Variants in CYFIP2 observed in about 807,000 individuals in gnomAD.
CYFIP2 encodes the protein cytoplasmic FMR1-interacting protein 2.
In CYFIP2, 29 loss-of-function variants were observed where a neutral mutation model predicts 158.7. The observed-to-expected ratio is 0.18, with a 90% CI of 0.14 to 0.25. The LOEUF is 0.25. Ranked by LOEUF, CYFIP2 falls within the 10% of genes least tolerant of loss-of-function variation. CYFIP2 has a pLI of 1.00. For missense variants in CYFIP2, 852 were observed against 1,639.5 expected (o/e 0.52, Z 8.29); for synonymous variants, 585 against 617.6 (o/e 0.95, Z 0.78).
rs1270546456 is a variant in CYFIP2 at position 157,394,696 on chromosome 5, CTTGAGCT to C, written c.*1704_*1710del. 6.6e-6 allele frequency: 1 copy of C among 152,190 alleles called. No homozygotes were observed. The highest frequency in any genetic ancestry group is 1.5e-5 in the Non-Finnish European group (1 of 68,042). The allele number at this position is 152,190 out of a possible 1,614,324, so 9.4% of individuals were successfully genotyped here. On this transcript the variant is annotated 3_prime_UTR_variant, in exon 31 of 31. Transcript: ENST00000620254. ...GCTGTAAGGGAATCATTCTGGTCAC[CTTGAGCT>C]TTGAGCTACCACTAAGCCATGAAAG...
rs760704939 is a variant in CYFIP2 at position 157,343,003 on chromosome 5, G to T, written c.2673+1846G>T. On this transcript the variant is annotated intron_variant, in intron 23 of 30. Coordinates refer to ENST00000620254, the MANE Select transcript of CYFIP2 (RefSeq NM_001037333.3). ...TCTTGCGTGGCATTTCCACCAGGGGGAGCCCCTGCAGGTCTTCCTCCCTCT... is the reference window on the plus strand; with the variant it reads ...TCTTGCGTGGCATTTCCACCAGGGGTAGCCCCTGCAGGTCTTCCTCCCTCT... 11 of 1,614,078 alleles carry T rather than the reference G, an allele frequency of 6.8e-6. No individual in the cohort carries two copies. In the Admixed American group the frequency reaches 1.0e-4, roughly 15 times the overall value.
chr5:157,391,428 G>A lies in CYFIP2; in HGVS notation c.3594+760G>A, dbSNP rs190518679. Among the ~76,000 whole-genome samples, 55 of 152,088 alleles carry A rather than the reference G, an allele frequency of 3.6e-4. No homozygotes were observed. In the East Asian group the frequency reaches 6.0e-3, roughly 17 times the overall value. On this transcript the variant is annotated intron_variant, in intron 30 of 30. Transcript: ENST00000620254. Reference sequence around the variant, plus strand: ...TTTCATCTTCCCCAACTGAAACTCCGGGCCCATTAAAAAATAATTCCATTT... The same window carrying A: ...TTTCATCTTCCCCAACTGAAACTCCAGGCCCATTAAAAAATAATTCCATTT...
chr5:157,315,206 TC>T (rs1760042681), intron 13 of CYFIP2, 112 bp downstream of exon 13: 1 of 1,406,686 alleles, frequency 7.1e-7, no homozygotes, highest in Non-Finnish European at 9.5e-7. Flanking sequence ...TTCGTGCTCT[TC>T]CCTGTCCTAC....
intron 1 of CYFIP2, chr5:157,271,715 A>G (rs1404981458): frequency 6.6e-6 from 1 of 152,180 alleles, no homozygotes; most frequent in Non-Finnish European, 1.5e-5. Context: ...TTTTAGAGTG[A>G]GTGAAAATGT....
intron 24 of CYFIP2, 80 bp downstream of exon 24, chr5:157,359,228 G>A: frequency 1.3e-6 from 2 of 1,560,834 alleles, no homozygotes; most frequent in Non-Finnish European, 1.8e-6. Context: ...CTTTTTACCT[G>A]GCCTGTAAAA....
Position 157,395,231 on chromosome 5 carries a change from A to G in CYFIP2, c.*2231A>G, listed in dbSNP as rs981132519. Reference sequence around the variant, plus strand: ...AGTGGCACTGATTTCCGAACACCCAATGAGTTTAATATTCTTTCCTCCTTG... The same window carrying G: ...AGTGGCACTGATTTCCGAACACCCAGTGAGTTTAATATTCTTTCCTCCTTG... On this transcript the variant is annotated 3_prime_UTR_variant, in exon 31 of 31. Coordinates refer to ENST00000620254, the MANE Select transcript of CYFIP2 (RefSeq NM_001037333.3). 8.1e-6 allele frequency: 2 copies of G among 246,882 alleles called. No individual in the cohort carries two copies. The highest frequency in any genetic ancestry group is 2.4e-5 in the African/African-American group (1 of 42,338). 15.3% of individuals were successfully genotyped at this position (246,882 alleles called of 1,614,324 possible). A position where few individuals can be genotyped will look rare whatever the true frequency, so the allele number is the denominator to read the frequency against.
At chr5:157,313,707 A>G (rs1003194641) in intron 11 of CYFIP2, among the ~76,000 whole-genome samples, 2 of 152,220 alleles carry the variant, frequency 1.3e-5, no homozygotes, top group African/African-American at 2.4e-5. Flanking sequence ...CTGGCTGTAT[A>G]TGTATATATG....
chr5:157,354,908 T>A (rs764930751), intron 23 of CYFIP2, among the ~76,000 whole-genome samples: 31 of 152,290 alleles, frequency 2.0e-4, no homozygotes, highest in Middle Eastern at 3.4e-3. Context: ...TCAGGGAAGC[T>A]TGGTACTAGA....
intron 21 of CYFIP2, among the ~76,000 whole-genome samples, chr5:157,336,661 C>A (rs760262872): frequency 5.5e-4 from 84 of 152,220 alleles, no homozygotes; most frequent in Non-Finnish European, 1.6e-4. Context: ...TCTCCCACTA[C>A]TCTGAAGTTG....
chr5:157,359,601 T>TC (rs574661087), intron 24 of CYFIP2, among the ~76,000 whole-genome samples: 150 of 152,330 alleles, frequency 9.8e-4, no homozygotes, highest in African/African-American at 3.2e-3. Flanking sequence ...TGAACACTGC[T>TC]CCCCATACTG....
intron 26 of CYFIP2, among the ~76,000 whole-genome samples, chr5:157,381,644 G>A (rs546310568): frequency 1.9e-4 from 29 of 152,186 alleles, no homozygotes; most frequent in African/African-American, 6.5e-4. Context: ...TCCTCTGGTA[G>A]CCTCATTTCT....
At chr5:157,371,469 T>TC (rs932952404) in intron 26 of CYFIP2, among the ~76,000 whole-genome samples, 1 of 152,236 alleles carries the variant, frequency 6.6e-6, no homozygotes, top group African/African-American at 2.4e-5. Context: ...TGGTAGTTTT[T>TC]CACTCAGCTG....
chr5:157,336,658 C>T (rs945334946), intron 21 of CYFIP2, among the ~76,000 whole-genome samples: 1 of 152,210 alleles, frequency 6.6e-6, no homozygotes, highest in Non-Finnish European at 1.5e-5. Context: ...CTTTCTCCCA[C>T]TACTCTGAAG....
chr5:157,291,186 C>T (rs1338783743), intron 3 of CYFIP2, among the ~76,000 whole-genome samples: 2 of 152,176 alleles, frequency 1.3e-5, no homozygotes, highest in East Asian at 1.9e-4. Context: ...TGGGGCATGG[C>T]TTAGGCATCA....
rs1767580521 is a variant in CYFIP2, at chr5:157,394,325, C to A, written c.*1325C>A. ...TGTCATTGTCAAAGGAAATCTGTGG[C>A]CCTGAGATTTTAAGAACATAAAATG... On this transcript the variant is annotated 3_prime_UTR_variant, in exon 31 of 31. Coordinates refer to ENST00000620254, the MANE Select transcript of CYFIP2 (RefSeq NM_001037333.3). 1 of 152,140 alleles carries A rather than the reference C, an allele frequency of 6.6e-6. No homozygotes were observed. The highest frequency in any genetic ancestry group is 2.4e-5 in the African/African-American group (1 of 41,428). 9.4% of individuals were successfully genotyped at this position (152,140 alleles called of 1,614,324 possible).
rs1292682804 is a variant in CYFIP2, at chr5:157,300,919, C to A, written c.569+23C>A. On this transcript the variant is annotated intron_variant, in intron 6 of 30. Transcript: ENST00000620254. Reference sequence around the variant, plus strand: ...GAGGTCAGGGCAACCTCCCCCTCTCCCCTTTCCCCATCCAGGCCCCTCCTC... The same window carrying A: ...GAGGTCAGGGCAACCTCCCCCTCTCACCTTTCCCCATCCAGGCCCCTCCTC... 4 of 1,524,834 alleles carry A rather than the reference C, an allele frequency of 2.6e-6. No homozygotes were observed. The South Asian group carries it at 3.8e-5, about 14-fold the overall frequency. 94.5% of individuals were successfully genotyped at this position (1,524,834 alleles called of 1,614,324 possible).
In CYFIP2 at chr5:157,320,769, G is replaced by T. The variant is rs774297880; in HGVS notation, c.1638G>T (p.Val546=). Residue 546 remains valine, a synonymous_variant, in exon 15 of 31, where the codon GTG becomes GTT. Coordinates refer to ENST00000620254, the MANE Select transcript of CYFIP2 (RefSeq NM_001037333.3). The stretch of plus-strand genomic sequence containing the variant: ...CCAAAGGTGGATTTGATATCAAGGT[G>T]CCCCGGCGTGCTGTGGGGCCATCCA... ...KDPKGGFDIK[V]PRRAVGPSST... is the part of the protein sequence containing the mutation. 2.1e-5 allele frequency: 33 copies of T among 1,607,522 alleles called. No individual in the cohort carries two copies. The African/African-American group carries it at 4.1e-4, about 20-fold the overall frequency.
At chr5:157,285,526 TC>T in intron 2 of CYFIP2, 48 bp downstream of exon 2, 1 of 1,511,952 alleles carries the variant, frequency 6.6e-7, no homozygotes. Context: ...ATTCTGGGGA[TC>T]CCCTAAGAGA....
At chr5:157,306,726 A>G (rs1224005500) in intron 8 of CYFIP2, among the ~76,000 whole-genome samples, 2 of 152,040 alleles carry the variant, frequency 1.3e-5, no homozygotes, top group Non-Finnish European at 2.9e-5. Flanking sequence ...ACAGACAAAT[A>G]CAAAAATTAG....
Sources: allele counts gnomAD v4.1 joint callset (sites outside exome capture counted in the v4.1 genomes callset), GRCh38; gene constraint gnomAD v4.1.1; transcripts MANE v1.5; gene names NCBI Gene and HGNC (gene_info 2026-07-23, HGNC 2026-07-21).